The following HSD17B2 variants were observed in gnomAD, a reference collection of about 807,000 sequenced individuals.
HSD17B2 encodes the protein 17-beta-hydroxysteroid dehydrogenase type 2.
A neutral mutation model predicts 26.9 loss-of-function variants in HSD17B2; 32 were observed. The observed-to-expected ratio is 1.19, with a 90% CI of 0.90 to 1.60. The LOEUF (loss-of-function observed/expected upper bound fraction) is 1.60, where lower values mean the gene tolerates loss of function less well. Among genes scored for constraint, HSD17B2 ranks in the 40% most tolerant of loss-of-function variants. HSD17B2 has a pLI of 0.00. For synonymous variants in HSD17B2, 246 were observed against 186.7 expected (o/e 1.32, Z -2.59); for missense variants, 613 against 468.6 (o/e 1.31, Z -2.85).
intron 3 of HSD17B2, among the ~76,000 whole-genome samples, chr16:82,088,243 C>T (rs1050675298): frequency 2.0e-5 from 3 of 152,106 alleles, no homozygotes; most frequent in Non-Finnish European, 4.4e-5. Context: ...TCTAAGAAAC[C>T]GTGAACATAT....
chr16:82,098,398 G>C lies in HSD17B2; in HGVS notation c.1126G>C (p.Ala376Pro), dbSNP rs1904921404. The change falls in exon 5 of 5, where the codon GCT becomes CCT. Residue 376 changes from alanine (A) to proline (P), a missense_variant. Physicochemically the swap from Ala to Pro is conservative, Grantham distance 27. Transcript: ENST00000199936. ...TGGCCAAGACAAGCCCATGCCCAGA[G>C]CTCTAAGAATGCCTAACTACAAGAA... ...HFGQDKPMPR[A>P]LRMPNYKKKA... 6.2e-7 allele frequency: 1 copy of C among 1,611,458 alleles called. No homozygotes were observed. The highest frequency in any genetic ancestry group is 1.3e-5 in the African/African-American group (1 of 74,748).
At position 82,090,947 on chromosome 16, in the gene HSD17B2, C is replaced by T. The variant is rs368699812; in HGVS notation, c.710C>T (p.Ala237Val). 1.7e-5 allele frequency: 27 copies of T among 1,613,882 alleles called. No homozygotes were observed. Among genetic ancestry groups the T allele is most frequent in the Middle Eastern group, 1.7e-4 (1 of 6,058 alleles). Residue 237 changes from alanine to valine, a missense_variant, in exon 4 of 5, where the codon GCG (alanine) becomes GTG (valine). Coordinates refer to ENST00000199936, the MANE Select transcript of HSD17B2 (RefSeq NM_002153.3). Reference sequence around the variant, plus strand: ...CTGGCATCTTATGGCTCATCAAAGGCGGCTGTGACCATGTTCTCATCAGTT... The same window carrying T: ...CTGGCATCTTATGGCTCATCAAAGGTGGCTGTGACCATGTTCTCATCAGTT... ...ERLASYGSSK[A>V]AVTMFSSVMR... is the part of the protein sequence containing the mutation.
chr16:82,051,113 T>C (rs1377321619), intron 1 of HSD17B2, among the ~76,000 whole-genome samples: 1 of 152,236 alleles, frequency 6.6e-6, no homozygotes, highest in Non-Finnish European at 1.5e-5. Flanking sequence ...TCCTATTTGT[T>C]ACTTTCATAG....
intron 3 of HSD17B2, among the ~76,000 whole-genome samples, chr16:82,085,837 G>A (rs1904512914): frequency 6.6e-6 from 1 of 152,032 alleles, no homozygotes; most frequent in South Asian, 2.1e-4. Flanking sequence ...AATCACCGGA[G>A]GGCTTCTAAA....
At chr16:82,051,324 G>C (rs1914099715) in intron 1 of HSD17B2, among the ~76,000 whole-genome samples, 1 of 152,196 alleles carries the variant, frequency 6.6e-6, no homozygotes, top group South Asian at 2.1e-4. Context: ...AGACTGCTAG[G>C]CAGGCAAGTG....
At chr16:82,067,225 C>G (rs914951848) in intron 1 of HSD17B2, among the ~76,000 whole-genome samples, 2 of 152,310 alleles carry the variant, frequency 1.3e-5, no homozygotes, top group Admixed American at 6.5e-5. Flanking sequence ...TGACTACCAA[C>G]AAGAGATCCC....
chr16:82,049,936 G>C (rs1056932559), intron 1 of HSD17B2, among the ~76,000 whole-genome samples: 1 of 152,248 alleles, frequency 6.6e-6, no homozygotes, highest in Non-Finnish European at 1.5e-5. Flanking sequence ...CTGTCACTGT[G>C]TGTCAGAATC....
chr16:82,064,244 A>G lies in HSD17B2; in HGVS notation c.266-3926A>G, dbSNP rs1456437994. On this transcript the variant is annotated intron_variant, in intron 1 of 4. Transcript: ENST00000199936. ...CAAAGGAAAAGGAGTCAAGATCACA[A>G]TGTCTCCTCCTTGCTCGCATCCCTT... 3.9e-5 allele frequency among the ~76,000 whole-genome samples: 6 copies of G among 152,170 alleles called. No homozygotes were observed. The South Asian group carries it at 1.0e-3, about 26-fold the overall frequency.
rs2955156 is a variant in HSD17B2, at chr16:82,088,479, C to A, written c.665-2423C>A. Among the ~76,000 whole-genome samples, 5 of 152,306 alleles carry A rather than the reference C, an allele frequency of 3.3e-5. No homozygotes were observed. The East Asian group carries it at 9.7e-4, about 29-fold the overall frequency. ...CTGCTAACAGGTGGCTAATCAATGGCAGAGCTAGGATTTGAATGCAGTCAG... is the reference window on the plus strand; with the variant it reads ...CTGCTAACAGGTGGCTAATCAATGGAAGAGCTAGGATTTGAATGCAGTCAG... On this transcript the variant is annotated intron_variant, in intron 3 of 4. Transcript: ENST00000199936.
At chr16:82,083,681 G>A (rs1223767170) in intron 3 of HSD17B2, among the ~76,000 whole-genome samples, 1 of 152,036 alleles carries the variant, frequency 6.6e-6, no homozygotes, top group African/African-American at 2.4e-5. Context: ...GCCAGCTGCT[G>A]GTATCACCAC....
intron 1 of HSD17B2, among the ~76,000 whole-genome samples, chr16:82,059,042 C>G (rs1476021596): frequency 1.3e-5 from 2 of 152,174 alleles, no homozygotes; most frequent in Non-Finnish European, 2.9e-5. Flanking sequence ...AGAGTCCGTA[C>G]TCTGATGGAG....
chr16:82,081,783 T>G (rs189105460), intron 3 of HSD17B2, among the ~76,000 whole-genome samples: 1 of 152,312 alleles, frequency 6.6e-6, no homozygotes, highest in East Asian at 1.9e-4. Context: ...TATTTTAAGT[T>G]CTGGGGTACA....
At chr16:82,038,075 G>A (rs1395301434) in intron 1 of HSD17B2, among the ~76,000 whole-genome samples, 1 of 152,154 alleles carries the variant, frequency 6.6e-6, no homozygotes, top group Non-Finnish European at 1.5e-5. Context: ...ACACAAAACA[G>A]CTAAAGCTCC....
chr16:82,045,121 CAAAAAAAA>C (rs10565056), intron 1 of HSD17B2, among the ~76,000 whole-genome samples: 21 of 42,796 alleles, frequency 4.9e-4, no homozygotes, highest in African/African-American at 1.0e-3. Flanking sequence ...AAACTCTGTC[CAAAAAAAA>C]AAAAAAAAAA....
chr16:82,046,363 C>T (rs763488836), intron 1 of HSD17B2, among the ~76,000 whole-genome samples: 3 of 152,102 alleles, frequency 2.0e-5, no homozygotes, highest in Non-Finnish European at 2.9e-5. Flanking sequence ...GTGTCAGATA[C>T]TGTAAGGAGC....
intron 1 of HSD17B2, among the ~76,000 whole-genome samples, chr16:82,066,973 T>C (rs751471615): frequency 2.0e-5 from 3 of 152,336 alleles, no homozygotes. Context: ...TTCTCTAGGA[T>C]AAATACTGAG....
In HSD17B2 at chr16:82,090,312, T is replaced by TG. The variant is rs1904650413; in HGVS notation, c.665-590_665-589insG. On this transcript the variant is annotated intron_variant, in intron 3 of 4. Transcript: ENST00000199936. Reference sequence around the variant, plus strand: ...TACCTAAACTACATTGTTTTTTTTTTTTTTTTTTTTTTTTTTTTTTTTTTG... The same window carrying TG: ...TACCTAAACTACATTGTTTTTTTTTTGTTTTTTTTTTTTTTTTTTTTTTTTG... The TG allele has an allele frequency of 1.1e-5, 3 of 282,660 alleles. 1 individual carries two copies. Among genetic ancestry groups the TG allele is most frequent in the African/African-American group, 3.2e-5 (1 of 31,278 alleles). The allele number at this position is 282,660 out of a possible 1,614,324, so 17.5% of individuals were successfully genotyped here. A position where few individuals can be genotyped will look rare whatever the true frequency, so the allele number is the denominator to read the frequency against.
chr16:82,057,250 G>A (rs1230307454), intron 1 of HSD17B2, among the ~76,000 whole-genome samples: 1 of 151,108 alleles, frequency 6.6e-6, no homozygotes, highest in African/African-American at 2.4e-5. Context: ...CCAGGCTAGA[G>A]TGCAGTGGCG....
chr16:82,092,310 C>G (rs915046991), intron 4 of HSD17B2: 3 of 152,160 alleles, frequency 2.0e-5, no homozygotes, highest in Non-Finnish European at 4.4e-5. Flanking sequence ...TCTCCACTCC[C>G]CTCCCTGCAT....
Sources: gnomAD v4.1 joint callset for allele counts (sites outside exome capture counted in the v4.1 genomes callset) on GRCh38, gnomAD v4.1.1 for gene constraint, MANE v1.5 for transcripts, NCBI Gene and HGNC (gene_info 2026-07-23, HGNC 2026-07-21) for gene names.